Variants in IL19 observed in about 807,000 individuals in gnomAD.
The protein encoded by IL19 is interleukin 19, also known as interleukin-19.
Under a neutral mutation model 19.5 loss-of-function variants are expected in IL19, and 15 were observed. The ratio of observed to expected loss-of-function variants is 0.77; its 90% CI spans 0.52 to 1.19. IL19 has a LOEUF of 1.19. IL19 is among the 50% of genes most tolerant of loss of function. The probability of loss-of-function intolerance (pLI) is 0.00; values close to 1 mark genes in which losing one functional copy is unlikely to be tolerated. For synonymous variants in IL19, 78 were observed against 78.3 expected (o/e 1.00, Z 0.02); for missense variants, 199 against 213.1 (o/e 0.93, Z 0.41).
chr1:206,793,913 G>C (rs1034808692), intron 1 of IL19, among the ~76,000 whole-genome samples: 16 of 152,150 alleles, frequency 1.1e-4, no homozygotes, highest in African/African-American at 3.9e-4. Context: ...GCAGGGGAAG[G>C]AGAGTGGGGA....
At chr1:206,802,990 T>G (rs1481883770) in intron 2 of IL19, among the ~76,000 whole-genome samples, 1 of 152,200 alleles carries the variant, frequency 6.6e-6, no homozygotes, top group Non-Finnish European at 1.5e-5. Flanking sequence ...GGACGTCATT[T>G]CCTTTTCCAG....
At chr1:206,826,373 A>C (rs1284187011) in intron 2 of IL19, among the ~76,000 whole-genome samples, 1 of 152,168 alleles carries the variant, frequency 6.6e-6, no homozygotes. Flanking sequence ...TCTGAACTAC[A>C]CCGCTGGCTT....
chr1:206,823,878 G>A (rs563350095), intron 2 of IL19, among the ~76,000 whole-genome samples: 22 of 152,316 alleles, frequency 1.4e-4, no homozygotes, highest in Admixed American at 5.2e-4. Context: ...GGATGTTCCT[G>A]CCAAGGGAAT....
intron 2 of IL19, among the ~76,000 whole-genome samples, chr1:206,808,564 T>A (rs1464396161): frequency 3.3e-5 from 5 of 151,402 alleles, no homozygotes; most frequent in African/African-American, 7.3e-5. Flanking sequence ...AGGAAAAAAC[T>A]AGGTGAGCAG....
intron 2 of IL19, among the ~76,000 whole-genome samples, chr1:206,801,169 T>TA (rs56281649): frequency 0.12 from 17,399 of 144,726 alleles, 1,366 homozygotes; most frequent in African/African-American, 0.23. Flanking sequence ...ATTCGTAGTT[T>TA]AAAAAAAAAA....
intron 1 of IL19, among the ~76,000 whole-genome samples, chr1:206,795,923 ATATATGTGTG>A (rs777050652): frequency 9.2e-6 from 1 of 109,080 alleles, no homozygotes; most frequent in Non-Finnish European, 2.1e-5. Flanking sequence ...ATATAAATAT[ATATATGTGTG>A]TGTGTGTGTG....
rs946103550 is a variant in IL19, at chr1:206,771,087, G to A, written c.-149+9G>A. The A allele has an allele frequency of 1.2e-6, 2 of 1,613,442 alleles. No homozygotes were observed. The highest frequency in any genetic ancestry group is 8.5e-7 in the Non-Finnish European group (1 of 1,179,600). On this transcript the variant is annotated intron_variant, in intron 1 of 6. Transcript: ENST00000659997. ...AAGGGCAGGAGCCAAAGGTGAGTGA[G>A]AGATTGGCGGAGGTGGCTGGGAGGA...
intron 5 of IL19, chr1:206,840,716 C>A: frequency 2.6e-6 from 1 of 389,150 alleles, no homozygotes; most frequent in African/African-American, 2.0e-5. Flanking sequence ...GAGTGCCTAC[C>A]CTGTGGGATG....
At chr1:206,818,699 AAGTC>A (rs1271922024) in intron 2 of IL19, among the ~76,000 whole-genome samples, 8 of 152,342 alleles carry the variant, frequency 5.3e-5, no homozygotes, top group South Asian at 2.1e-4. Flanking sequence ...TTACAATAAA[AAGTC>A]AGCCCATTTA....
intron 6 of IL19, among the ~76,000 whole-genome samples, chr1:206,841,429 G>A (rs1037701578): frequency 6.6e-5 from 10 of 152,188 alleles, no homozygotes; most frequent in Admixed American, 5.2e-4. Context: ...TTACCTGCAC[G>A]CCGTCACTGC....
chr1:206,832,902 A>T (rs1676658247), intron 2 of IL19, among the ~76,000 whole-genome samples: 1 of 152,210 alleles, frequency 6.6e-6, no homozygotes, highest in African/African-American at 2.4e-5. Context: ...CCTGTCCCGT[A>T]AAAGGCCCTG....
At chr1:206,793,725 A>C (rs1675458324) in intron 1 of IL19, among the ~76,000 whole-genome samples, 2 of 152,236 alleles carry the variant, frequency 1.3e-5, no homozygotes, top group Admixed American at 6.5e-5. Context: ...AAATAATTAT[A>C]ATAATTATTA....
At chr1:206,779,953 G>A (rs1675093837) in intron 1 of IL19, among the ~76,000 whole-genome samples, 1 of 151,242 alleles carries the variant, frequency 6.6e-6, no homozygotes, top group Non-Finnish European at 1.5e-5. Flanking sequence ...CCTCCAAGTG[G>A]CTGGGCTTAC....
intron 2 of IL19, among the ~76,000 whole-genome samples, chr1:206,818,851 C>T (rs1434909416): frequency 2.2e-5 from 3 of 134,832 alleles, no homozygotes; most frequent in East Asian, 2.1e-4. Context: ...CTAGTTCTGT[C>T]GCCCAGACTG....
At chr1:206,841,839 C>T (rs1415687966) in intron 6 of IL19, among the ~76,000 whole-genome samples, 1 of 152,200 alleles carries the variant, frequency 6.6e-6, no homozygotes, top group African/African-American at 2.4e-5. Flanking sequence ...TGCTATGAGT[C>T]ATTATCTGCA....
intron 2 of IL19, among the ~76,000 whole-genome samples, chr1:206,822,670 C>T (rs1208778018): frequency 1.3e-5 from 2 of 152,180 alleles, no homozygotes; most frequent in Non-Finnish European, 1.5e-5. Context: ...GAGCCCAGGT[C>T]TTGACTGGTA....
At chr1:206,830,522 G>A (rs1160654839) in intron 2 of IL19, among the ~76,000 whole-genome samples, 1 of 151,456 alleles carries the variant, frequency 6.6e-6, no homozygotes, top group Non-Finnish European at 1.5e-5. Context: ...TATGTATTCT[G>A]TTTTAAAATC....
At chr1:206,792,639 T>C (rs888462441) in intron 1 of IL19, among the ~76,000 whole-genome samples, 1 of 152,154 alleles carries the variant, frequency 6.6e-6, no homozygotes, top group African/African-American at 2.4e-5. Context: ...GTATTTTTAG[T>C]AGAGACAGGG....
At chr1:206,805,773 T>A (rs978309515) in intron 2 of IL19, among the ~76,000 whole-genome samples, 65 of 152,242 alleles carry the variant, frequency 4.3e-4, no homozygotes, top group African/African-American at 1.5e-3. Flanking sequence ...AGAAGCCATA[T>A]GTAGAAAATA....
Sources: allele counts gnomAD v4.1 joint callset (sites outside exome capture counted in the v4.1 genomes callset), GRCh38; gene constraint gnomAD v4.1.1; transcripts MANE v1.5; gene names NCBI Gene and HGNC (gene_info 2026-07-23, HGNC 2026-07-21).